CSMD2: variants seen among roughly 807,000 people sequenced by gnomAD.
The protein encoded by CSMD2 is CUB and Sushi multiple domains 2.
Under a neutral mutation model 398.5 loss-of-function variants are expected in CSMD2, and 130 were observed. The ratio of observed to expected loss-of-function variants is 0.33; its 90% confidence interval spans 0.28 to 0.38. The LOEUF is 0.38. Ranked by LOEUF, CSMD2 falls within the 10% of genes least tolerant of loss-of-function variation. The pLI is 1.00. For synonymous variants in CSMD2, 1,828 were observed against 1,908.5 expected (o/e 0.96, Z 1.10); for missense variants, 3,829 against 4,764.9 (o/e 0.80, Z 5.78).
In CSMD2 at chr1:33,694,707, T is replaced by C. The variant is rs1645359305; in HGVS notation, c.3926-1651A>G. Among the ~76,000 whole-genome samples, 3 of 152,194 alleles carry C rather than the reference T, an allele frequency of 2.0e-5. No homozygotes were observed. In the South Asian group the frequency reaches 6.2e-4, roughly 31 times the overall value. The stretch of plus-strand genomic sequence containing the variant: ...ACAAATTACCTAGTCTCAGGTAGTA[T>C]CTTTACAGCAGTGTGAGAACAGACT... On this transcript the variant is annotated intron_variant, in intron 24 of 70. Coordinates refer to ENST00000373381, the MANE Select transcript of CSMD2 (RefSeq NM_001281956.2).
At position 33,633,011 on chromosome 1, in the gene CSMD2, A is replaced by G. The variant is rs952681917; in HGVS notation, c.5200+411T>C. The stretch of plus-strand genomic sequence containing the variant: ...AAAATATGTAAACGTCGAAGTAGAT[A>G]CAAAGACTGGAAGGAAATCCACTAC... On this transcript the variant is annotated intron_variant, in intron 32 of 70. Transcript: ENST00000373381. The surrounding 1 kb of genome is among the most constrained non-coding windows in gnomAD (Gnocchi z 5.0). Among the ~76,000 whole-genome samples the G allele has an allele frequency of 6.6e-6, 1 of 152,238 alleles. No homozygotes were observed. Among genetic ancestry groups the G allele is most frequent in the African/African-American group, 2.4e-5 (1 of 41,464 alleles).
intron 1 of CSMD2, among the ~76,000 whole-genome samples, chr1:34,117,930 G>T (rs562871400): frequency 6.6e-6 from 1 of 152,250 alleles, no homozygotes; most frequent in South Asian, 2.1e-4. Flanking sequence ...AAAACACTCA[G>T]CCAGGCGTGG....
At chr1:33,908,517 T>C (rs1235536974) in intron 5 of CSMD2, among the ~76,000 whole-genome samples, 4 of 152,378 alleles carry the variant, frequency 2.6e-5, no homozygotes, top group African/African-American at 9.6e-5. Context: ...ACAAACCTGT[T>C]GCATGCAGTC....
chr1:33,773,715 C>T lies in CSMD2; in HGVS notation c.1664-964G>A, dbSNP rs1186487259. On this transcript the variant is annotated intron_variant, in intron 12 of 70. Coordinates refer to ENST00000373381, the MANE Select transcript of CSMD2 (RefSeq NM_001281956.2). ...GGAGCTCTGTTTCCGGGGAGAAGGG[C>T]GTCCTGCAGGATAGACAGGAGGTCA... 3.3e-5 allele frequency among the ~76,000 whole-genome samples: 5 copies of T among 152,224 alleles called. 1 individual carries two copies. The Middle Eastern group carries it at 0.01, about 311-fold the overall frequency.
intron 5 of CSMD2, among the ~76,000 whole-genome samples, chr1:33,865,414 A>AAG (rs1639954729): frequency 6.6e-6 from 1 of 151,626 alleles, no homozygotes; most frequent in African/African-American, 2.4e-5. Flanking sequence ...AAAAAAAAAA[A>AAG]AAGCAGGGGG....
At chr1:34,055,051 G>A (rs1653661381) in intron 2 of CSMD2, among the ~76,000 whole-genome samples, 1 of 152,110 alleles carries the variant, frequency 6.6e-6, no homozygotes, top group South Asian at 2.1e-4. Flanking sequence ...CATAGTTGGA[G>A]CCCCTGGGTA....
At chr1:33,850,331 T>C (rs1472596432) in intron 5 of CSMD2, among the ~76,000 whole-genome samples, 2 of 152,190 alleles carry the variant, frequency 1.3e-5, no homozygotes, top group Non-Finnish European at 2.9e-5. Flanking sequence ...TGATGCTCTT[T>C]ATGCCTTTTC....
intron 25 of CSMD2, among the ~76,000 whole-genome samples, chr1:33,672,789 G>C (rs868839834): frequency 1.5e-4 from 23 of 152,228 alleles, no homozygotes; most frequent in African/African-American, 5.5e-4. Context: ...TCAGGCAGCA[G>C]CATTTGCAGT....
At chr1:33,899,897 T>C (rs1642637742) in intron 5 of CSMD2, among the ~76,000 whole-genome samples, 1 of 152,208 alleles carries the variant, frequency 6.6e-6, no homozygotes, top group African/African-American at 2.4e-5. Context: ...CAAGGAGACA[T>C]GACAACCTCT....
At chr1:34,076,925 AAAAATATATATATAT>A (rs1656414522) in intron 2 of CSMD2, among the ~76,000 whole-genome samples, 1 of 112,674 alleles carries the variant, frequency 8.9e-6, no homozygotes, top group Admixed American at 8.8e-5. Flanking sequence ...AAAAAAAAAA[AAAAATATATATATAT>A]ATATATATAT....
At chr1:34,074,876 G>C (rs1371259916) in intron 2 of CSMD2, among the ~76,000 whole-genome samples, 1 of 152,186 alleles carries the variant, frequency 6.6e-6, no homozygotes, top group East Asian at 1.9e-4. Flanking sequence ...GAATGAGTAA[G>C]GGACAACTAA....
chr1:33,736,744 C>T (rs1422471332), intron 15 of CSMD2, among the ~76,000 whole-genome samples: 2 of 152,186 alleles, frequency 1.3e-5, no homozygotes, highest in Admixed American at 1.3e-4. Context: ...AGACCACTCA[C>T]AGTCTTGTTG....
intron 19 of CSMD2, 27 bp from the exon 20 acceptor site, chr1:33,716,528 G>T (rs1325610757): frequency 1.0e-5 from 16 of 1,563,904 alleles, no homozygotes; most frequent in Non-Finnish European, 1.3e-5. Context: ...GGGTCAGGTT[G>T]TTGATGGCGA....
Position 33,804,770 on chromosome 1 carries a change from G to T in CSMD2, c.1446+5973C>A, listed in dbSNP as rs760703143. 5.0e-5 allele frequency: 36 copies of T among 717,304 alleles called. 1 individual carries two copies. The highest frequency in any genetic ancestry group is 4.7e-4 in the South Asian group (32 of 67,604). 44.4% of individuals were successfully genotyped at this position (717,304 alleles called of 1,614,324 possible). A position where few individuals can be genotyped will look rare whatever the true frequency, so the allele number is the denominator to read the frequency against. On this transcript the variant is annotated intron_variant, in intron 10 of 70. Transcript: ENST00000373381. ...CCTGTAGGCCAGTTCCATGAACAGG[G>T]TTAGGCACACAGCATCCATTGTCCT... is the stretch of plus-strand genomic sequence containing the variant.
chr1:34,164,836 G>T lies in CSMD2; in HGVS notation c.187+75C>A. On this transcript the variant is annotated intron_variant, in intron 1 of 70. Transcript: ENST00000373381. The surrounding 1 kb of genome is among the most constrained non-coding windows in gnomAD (Gnocchi z 6.2). The stretch of plus-strand genomic sequence containing the variant: ...GAGGCGGGGGGAGGGACTGGGACCG[G>T]GTCGAGGATGGGTGGGCTCGGGGCT... 8.5e-7 allele frequency: 1 copy of T among 1,179,284 alleles called. No individual in the cohort carries two copies. Among genetic ancestry groups the T allele is most frequent in the Non-Finnish European group, 1.1e-6 (1 of 946,606 alleles). 73.1% of individuals were successfully genotyped at this position (1,179,284 alleles called of 1,614,324 possible).
intron 3 of CSMD2, among the ~76,000 whole-genome samples, chr1:33,944,019 A>G (rs183329265): frequency 3.9e-5 from 6 of 152,076 alleles, no homozygotes; most frequent in African/African-American, 1.2e-4. Flanking sequence ...CAGATAGTAA[A>G]TATTTTTTGG....
At chr1:33,550,712 T>G (rs1372983655) in intron 55 of CSMD2, among the ~76,000 whole-genome samples, 1 of 152,218 alleles carries the variant, frequency 6.6e-6, no homozygotes, top group Non-Finnish European at 1.5e-5. Context: ...ATGGGAGCTC[T>G]GTCACCCTCA....
At chr1:33,723,837 C>T (rs994913490) in intron 19 of CSMD2, among the ~76,000 whole-genome samples, 5 of 152,144 alleles carry the variant, frequency 3.3e-5, no homozygotes, top group South Asian at 2.1e-4. Flanking sequence ...ATCTGTTGAA[C>T]GGGTTGGTGG....
chr1:33,934,197 G>A (rs1315015693), intron 4 of CSMD2, among the ~76,000 whole-genome samples: 3 of 152,204 alleles, frequency 2.0e-5, no homozygotes, highest in Admixed American at 1.3e-4. Context: ...GGAGGAGCTA[G>A]TTATTCCAAT....
Sources: allele counts gnomAD v4.1 joint callset (sites outside exome capture counted in the v4.1 genomes callset), GRCh38; gene constraint gnomAD v4.1.1; non-coding constraint Gnocchi (gnomAD v3.1); transcripts MANE v1.5; gene names NCBI Gene and HGNC (gene_info 2026-07-23, HGNC 2026-07-21).